Variants in STK40 observed in about 807,000 individuals in gnomAD.
The protein encoded by STK40 is serine/threonine kinase 40, also known as serine/threonine-protein kinase 40.
STK40 carries 13 observed loss-of-function variants against 47.9 expected under a neutral mutation model. The observed-to-expected ratio is 0.27, with a 90% CI of 0.18 to 0.43. The LOEUF (loss-of-function observed/expected upper bound fraction) is 0.43, where lower values mean the gene tolerates loss of function less well. Ranked by LOEUF, STK40 falls within the 20% of genes least tolerant of loss-of-function variation. STK40 has a pLI of 1.00. For synonymous variants in STK40, 225 were observed against 243.2 expected, an observed-to-expected ratio of 0.93 and a Z score of 0.69; for missense variants, 460 against 595.1, an observed-to-expected ratio of 0.77 and a Z score of 2.36.
At position 36,358,232 on chromosome 1, in the gene STK40, C is replaced by G; in HGVS notation, c.342+7G>C. 1 of 1,577,538 alleles carries G rather than the reference C, an allele frequency of 6.3e-7. No individual in the cohort carries two copies. Among genetic ancestry groups the G allele is most frequent in the South Asian group, 1.1e-5 (1 of 89,124 alleles). On this transcript the variant is annotated splice_region_variant and intron_variant, in intron 4 of 10. Coordinates refer to ENST00000373132, the MANE Select transcript of STK40 (RefSeq NM_001282547.2). ...GAGCGCGAAGGGTGAGGGGGAAGGC[C>G]GCTCACCTGGAAGAGGCCGTGGTGG... is the stretch of plus-strand genomic sequence containing the variant.
At chr1:36,344,674 C>T (rs940255228) in intron 7 of STK40, among the ~76,000 whole-genome samples, 1 of 152,238 alleles carries the variant, frequency 6.6e-6, no homozygotes, top group Non-Finnish European at 1.5e-5. Context: ...GCCCGGATGA[C>T]TACTTGCAGG....
At chr1:36,376,829 T>C (rs991513097) in intron 1 of STK40, among the ~76,000 whole-genome samples, 1 of 145,892 alleles carries the variant, frequency 6.9e-6, no homozygotes, top group Non-Finnish European at 1.5e-5. Context: ...TGAGATGGAG[T>C]GCAGTGGTAC....
chr1:36,352,471 A>T (rs190815777), intron 6 of STK40, among the ~76,000 whole-genome samples: 1 of 152,200 alleles, frequency 6.6e-6, no homozygotes, highest in East Asian at 1.9e-4. Context: ...ATCAGTAAGT[A>T]CCCAGAGGAC....
chr1:36,354,516 G>T, intron 5 of STK40, 100 bp from the exon 6 acceptor site: 1 of 1,252,940 alleles, frequency 8.0e-7, no homozygotes, highest in Non-Finnish European at 1.2e-6. Context: ...GAGAAGGCAG[G>T]AAAAATTCTA....
At chr1:36,358,617 C>T (rs932932167) in intron 3 of STK40, 120 bp downstream of exon 3, 41 of 1,220,730 alleles carry the variant, frequency 3.4e-5, no homozygotes, top group Non-Finnish European at 4.1e-5. Flanking sequence ...GATTGCTTCT[C>T]GGGAAGAAAT....
intron 1 of STK40, among the ~76,000 whole-genome samples, 173 bp downstream of exon 1, chr1:36,385,550 C>A (rs1051614436): frequency 1.3e-5 from 2 of 152,168 alleles, no homozygotes; most frequent in African/African-American, 4.8e-5. Flanking sequence ...CTCGCCCCTG[C>A]CGCCGGGGAA....
At chr1:36,367,745 C>G (rs746385377) in intron 1 of STK40, 10 of 929,824 alleles carry the variant, frequency 1.1e-5, no homozygotes, top group Non-Finnish European at 1.2e-5. Flanking sequence ...TACCCAACTA[C>G]AAAGGAGCTG....
At chr1:36,357,622 A>AG (rs1557513221) in intron 4 of STK40, among the ~76,000 whole-genome samples, 1 of 152,028 alleles carries the variant, frequency 6.6e-6, no homozygotes, top group Admixed American at 6.5e-5. Flanking sequence ...AAAAAGGACA[A>AG]GGGGGCCCTT....
chr1:36,358,946 T>C, intron 2 of STK40, 124 bp from the exon 3 acceptor site: 3 of 1,025,226 alleles, frequency 2.9e-6, no homozygotes, highest in Non-Finnish European at 4.3e-6. Context: ...TGTACTGGAC[T>C]GACCCTCCAA....
intron 1 of STK40, among the ~76,000 whole-genome samples, chr1:36,365,279 G>A (rs564067079): frequency 9.2e-5 from 14 of 152,250 alleles, no homozygotes; most frequent in African/African-American, 1.7e-4. Context: ...CATGAGCACC[G>A]CGCCCGGCCT....
At chr1:36,367,741 A>T in intron 1 of STK40, 1 of 900,070 alleles carries the variant, frequency 1.1e-6, no homozygotes, top group Non-Finnish European at 1.3e-6. Flanking sequence ...TGTCTACCCA[A>T]CTACAAAGGA....
chr1:36,376,830 G>A (rs1420412201), intron 1 of STK40, among the ~76,000 whole-genome samples: 8 of 149,492 alleles, frequency 5.4e-5, no homozygotes, highest in Non-Finnish European at 7.4e-5. Flanking sequence ...GAGATGGAGT[G>A]CAGTGGTACA....
chr1:36,366,891 A>ATG (rs1646907039), intron 1 of STK40, among the ~76,000 whole-genome samples: 1 of 150,388 alleles, frequency 6.6e-6, no homozygotes, highest in Admixed American at 6.6e-5. Flanking sequence ...CTGGAGTGCA[A>ATG]TGGCGCAATC....
chr1:36,385,769 G>A lies in STK40; in HGVS notation c.-55C>T, dbSNP rs890371999. On this transcript the variant is annotated 5_prime_UTR_variant, in exon 1 of 11. Coordinates refer to ENST00000373132, the MANE Select transcript of STK40 (RefSeq NM_001282547.2). ...ATTCGCCCATAGTCCGTAGCCCAGA[G>A]CCGGGGCTGCTCGGCTCTCCCTCCC... 4.5e-5 allele frequency: 7 copies of A among 156,984 alleles called. No homozygotes were observed. Among genetic ancestry groups the A allele is most frequent in the Non-Finnish European group, 8.4e-5 (6 of 71,356 alleles). 9.7% of individuals were successfully genotyped at this position (156,984 alleles called of 1,614,324 possible). A position where few individuals can be genotyped will look rare whatever the true frequency, so the allele number is the denominator to read the frequency against.
intron 1 of STK40, among the ~76,000 whole-genome samples, chr1:36,381,477 AT>A (rs1296073536): frequency 6.6e-6 from 1 of 151,844 alleles, no homozygotes; most frequent in East Asian, 1.9e-4. Flanking sequence ...ATTCTTCACG[AT>A]CCAATTCAAG....
chr1:36,352,881 C>A (rs1274182144), intron 6 of STK40, among the ~76,000 whole-genome samples: 1 of 152,246 alleles, frequency 6.6e-6, no homozygotes, highest in African/African-American at 2.4e-5. Flanking sequence ...CCAGGTGGTG[C>A]TAGTCGAAGG....
intron 6 of STK40, among the ~76,000 whole-genome samples, chr1:36,351,164 A>G (rs1011806834): frequency 6.8e-6 from 1 of 148,044 alleles, no homozygotes; most frequent in Non-Finnish European, 1.5e-5. Context: ...CCTACCAAAA[A>G]GAAAGGAGGA....
In STK40 at chr1:36,374,417, A is replaced by C. The variant is rs149635090; in HGVS notation, c.-9+11306T>G. On this transcript the variant is annotated intron_variant, in intron 1 of 10. Transcript: ENST00000373132. ...GCTCTCCTGGGGAAAAAATACATGG[A>C]GTTAGAGACCGGTCCCCATAGCCCT... Among the ~76,000 whole-genome samples the C allele has an allele frequency of 8.9e-4, 135 of 152,284 alleles. 3 individuals carry two copies. The East Asian group carries it at 0.018, about 20-fold the overall frequency.
At chr1:36,348,591 T>C (rs1414520037) in intron 7 of STK40, 109 bp downstream of exon 7, 1 of 947,386 alleles carries the variant, frequency 1.1e-6, no homozygotes, top group African/African-American at 1.6e-5. Context: ...GGGCCCCCAG[T>C]GAAGCCCCAG....
Sources: allele counts gnomAD v4.1 joint callset (sites outside exome capture counted in the v4.1 genomes callset), GRCh38; gene constraint gnomAD v4.1.1; transcripts MANE v1.5; gene names NCBI Gene and HGNC (gene_info 2026-07-23, HGNC 2026-07-21).